TMC5: variants seen among roughly 807,000 people sequenced by gnomAD.
The protein encoded by TMC5 is transmembrane channel-like protein 5.
In TMC5, 86 loss-of-function variants were observed where a neutral mutation model predicts 110.5. The ratio of observed to expected loss-of-function variants is 0.78; its 90% CI spans 0.65 to 0.93. TMC5 has a LOEUF of 0.93. Ranked by LOEUF, TMC5 falls within the 40% of genes least tolerant of loss-of-function variation. TMC5 has a pLI of 0.00. For synonymous variants in TMC5, 455 were observed against 439.5 expected (o/e 1.04, Z -0.44); for missense variants, 1,144 against 1,222.8 (o/e 0.94, Z 0.96).
chr16:19,448,751 G>T (rs939765911), intron 4 of TMC5, among the ~76,000 whole-genome samples: 6 of 139,696 alleles, frequency 4.3e-5, no homozygotes, highest in African/African-American at 1.6e-4. Flanking sequence ...ATAAAATATA[G>T]ATTACATGTA....
chr16:19,490,392 C>T lies in TMC5; in HGVS notation c.2574-3C>T. 6.2e-7 allele frequency: 1 copy of T among 1,613,816 alleles called. No individual in the cohort carries two copies. The highest frequency in any genetic ancestry group is 8.5e-7 in the Non-Finnish European group (1 of 1,179,878). On this transcript the variant is annotated splice_polypyrimidine_tract_variant and splice_region_variant and intron_variant, in intron 17 of 21. Transcript: ENST00000542583. ...AGATGTTCTTCCATCTTTGTTTTAC[C>T]AGATTGAAGCCTTCAGCTGACTGTG... is the stretch of plus-strand genomic sequence containing the variant.
intron 4 of TMC5, among the ~76,000 whole-genome samples, chr16:19,448,578 C>T (rs1302935463): frequency 6.6e-6 from 1 of 151,102 alleles, no homozygotes; most frequent in East Asian, 1.9e-4. Context: ...GAAATCGCAC[C>T]ACTGCACTCC....
At chr16:19,437,213 C>G (rs1025377471) in intron 2 of TMC5, among the ~76,000 whole-genome samples, 1 of 152,114 alleles carries the variant, frequency 6.6e-6, no homozygotes, top group African/African-American at 2.4e-5. Context: ...GCTCCAAGGC[C>G]GGCAGAAGGC....
chr16:19,424,337 G>A (rs56252695), intron 1 of TMC5, among the ~76,000 whole-genome samples: 1,601 of 152,214 alleles, frequency 0.011, 38 homozygotes, highest in African/African-American at 0.036. Context: ...CATATTACCC[G>A]TAAACCGTAT....
At chr16:19,437,036 A>G (rs1012737085) in intron 2 of TMC5, among the ~76,000 whole-genome samples, 1 of 152,146 alleles carries the variant, frequency 6.6e-6, no homozygotes, top group African/African-American at 2.4e-5. Flanking sequence ...TTAACCAGGC[A>G]TAGTGGTGCA....
At chr16:19,467,127 C>T in intron 9 of TMC5, among the ~76,000 whole-genome samples, 1 of 151,828 alleles carries the variant, frequency 6.6e-6, no homozygotes, top group East Asian at 1.9e-4. Flanking sequence ...GCCTGAGCAA[C>T]TGGAGATCCT....
Position 19,477,489 on chromosome 16 carries a change from C to T in TMC5, c.2140C>T (p.Leu714Phe), listed in dbSNP as rs537835708. 6 of 1,612,518 alleles carry T rather than the reference C, an allele frequency of 3.7e-6. No individual in the cohort carries two copies. The highest frequency in any genetic ancestry group is 5.1e-6 in the Non-Finnish European group (6 of 1,179,228). The change falls in exon 13 of 22, where the codon CTC (leucine) becomes TTC (phenylalanine). Residue 714 changes from leucine to phenylalanine, a missense_variant. Physicochemically the swap from Leu to Phe is conservative, Grantham distance 22 (BLOSUM62 0). Coordinates refer to ENST00000542583, the MANE Select transcript of TMC5 (RefSeq NM_001261841.2). ...CATTGGCATTCTTTGTTACTATTGG[C>T]TCAACACCGTGGCCCTGTCTGGTGA... ...SIIGILCYYW[L>F]NTVALSGEEC...
At chr16:19,444,994 A>G (rs1325271311) in intron 4 of TMC5, among the ~76,000 whole-genome samples, 2 of 152,112 alleles carry the variant, frequency 1.3e-5, no homozygotes, top group Admixed American at 6.5e-5. Context: ...AGCCAGGCAT[A>G]GTGGAGGGCA....
rs74011408 is a variant in TMC5, at chr16:19,486,955, T to A, written c.2374T>A (p.Phe792Ile). 1,010 of 1,614,030 alleles carry A rather than the reference T, an allele frequency of 6.3e-4. 2 individuals carry two copies. In the African/African-American group the frequency reaches 0.012, roughly 19 times the overall value. The change falls in exon 16 of 22, where the codon TTC becomes ATC. Residue 792 changes from phenylalanine (F) to isoleucine (I), a missense_variant. Phe to Ile is a conservative substitution (Grantham distance 21). Coordinates refer to ENST00000542583, the MANE Select transcript of TMC5 (RefSeq NM_001261841.2). ...CTCTCTCCCTCACAGGATTGGCATC[T>A]TCTTCTGCCCCCTGCTGCCCTTTAT... ...YAQTLVWIGI[F>I]FCPLLPFIQM...
chr16:19,487,226 A>C lies in TMC5; in HGVS notation c.2473A>C (p.Lys825Gln). The change falls in exon 17 of 22, where the codon AAA (lysine) becomes CAA (glutamine). Residue 825 changes from lysine to glutamine, a missense_variant. Lys to Gln is a moderately conservative substitution (Grantham distance 53). Coordinates refer to ENST00000542583, the MANE Select transcript of TMC5 (RefSeq NM_001261841.2). ...SLMMNFQPPS[K>Q]AWRASQMMTF... is the part of the protein sequence containing the mutation. ...GATGATGAATTTCCAGCCTCCGAGCAAAGCCTGGCGGGCCTCACAGATGAT... is the reference window on the plus strand; with the variant it reads ...GATGATGAATTTCCAGCCTCCGAGCCAAGCCTGGCGGGCCTCACAGATGAT... 6.2e-7 allele frequency: 1 copy of C among 1,613,944 alleles called. No individual in the cohort carries two copies. The highest frequency in any genetic ancestry group is 8.5e-7 in the Non-Finnish European group (1 of 1,179,952).
At chr16:19,424,449 G>A (rs1055192799) in intron 1 of TMC5, among the ~76,000 whole-genome samples, 4 of 152,132 alleles carry the variant, frequency 2.6e-5, no homozygotes, top group Non-Finnish European at 5.9e-5. Flanking sequence ...TCAGGAGTTC[G>A]AGACCAGCCT....
At position 19,463,932 on chromosome 16, in the gene TMC5, A is replaced by T. The variant is rs1968093229; in HGVS notation, c.1393A>T (p.Ile465Phe). The change falls in exon 8 of 22, where the codon ATC becomes TTC. Residue 465 changes from isoleucine (I) to phenylalanine (F), a missense_variant. Physicochemically the swap from Ile to Phe is conservative, Grantham distance 21. Transcript: ENST00000542583. ...TTTGAAGTTCAACATTTTCTCATTC[A>T]TCCTGAACTTCAGCTTCATCATAAT... is the stretch of plus-strand genomic sequence containing the variant. ...WLLKFNIFSF[I>F]LNFSFIIIPQ... 3.1e-6 allele frequency: 5 copies of T among 1,614,126 alleles called. No homozygotes were observed. The East Asian group carries it at 1.1e-4, about 36-fold the overall frequency.
intron 18 of TMC5, among the ~76,000 whole-genome samples, chr16:19,491,748 G>A (rs1454709616): frequency 6.6e-6 from 1 of 152,088 alleles, no homozygotes; most frequent in Non-Finnish European, 1.5e-5. Context: ...TGTTAGCCAG[G>A]ATGATCTCGA....
chr16:19,428,869 A>G (rs1040350107), intron 1 of TMC5, among the ~76,000 whole-genome samples: 5 of 152,274 alleles, frequency 3.3e-5, no homozygotes, highest in Non-Finnish European at 7.4e-5. Context: ...TCTGTTGCCC[A>G]GGCTGGAGTG....
intron 3 of TMC5, among the ~76,000 whole-genome samples, chr16:19,442,138 A>G (rs1484074494): frequency 6.6e-6 from 1 of 152,086 alleles, no homozygotes. Context: ...CAGTTTTTCC[A>G]GGTTTAGATT....
chr16:19,457,945 A>G (rs943244877), intron 5 of TMC5, among the ~76,000 whole-genome samples: 4 of 151,872 alleles, frequency 2.6e-5, no homozygotes, highest in African/African-American at 9.6e-5. Flanking sequence ...CCTTGTCTCG[A>G]ACTCCTGGCC....
At chr16:19,456,932 TTGAA>T (rs771418800) in intron 5 of TMC5, 11 of 1,614,086 alleles carry the variant, frequency 6.8e-6, no homozygotes, top group Non-Finnish European at 8.5e-6. Flanking sequence ...TTCAACATCT[TTGAA>T]TGAGTCGATG....
At chr16:19,485,393 C>T (rs895149486) in intron 15 of TMC5, among the ~76,000 whole-genome samples, 8 of 152,126 alleles carry the variant, frequency 5.3e-5, no homozygotes, top group Non-Finnish European at 8.8e-5. Context: ...TTCCCAACAT[C>T]GGCAATCTTC....
chr16:19,495,692 A>T (rs1325142076), intron 20 of TMC5, among the ~76,000 whole-genome samples: 1 of 152,028 alleles, frequency 6.6e-6, no homozygotes, highest in African/African-American at 2.4e-5. Context: ...AAATTTTAAT[A>T]ATTAGGCACG....
Sources: gnomAD v4.1 joint callset for allele counts (sites outside exome capture counted in the v4.1 genomes callset) on GRCh38, gnomAD v4.1.1 for gene constraint, MANE v1.5 for transcripts, NCBI Gene and HGNC (gene_info 2026-07-23, HGNC 2026-07-21) for gene names.